SLC31A1: variants seen among roughly 807,000 people sequenced by gnomAD.
SLC31A1 encodes solute carrier family 31 member 1.
A neutral mutation model predicts 17.2 loss-of-function variants in SLC31A1; 5 were observed. The ratio of observed to expected loss-of-function variants is 0.29; its 90% CI spans 0.15 to 0.61. The LOEUF (loss-of-function observed/expected upper bound fraction) is 0.61. Among genes scored for constraint, SLC31A1 ranks in the 20% least tolerant of loss-of-function variants. SLC31A1 has a pLI of 0.86. For synonymous variants in SLC31A1, 76 were observed against 78.8 expected (o/e 0.96, Z 0.19); for missense variants, 161 against 241.4 (o/e 0.67, Z 2.21).
chr9:113,233,830 ATAAT>A (rs1409244123), intron 1 of SLC31A1, among the ~76,000 whole-genome samples: 12 of 152,236 alleles, frequency 7.9e-5, no homozygotes, highest in African/African-American at 2.7e-4. Context: ...TATGGGCACA[ATAAT>A]TAATAATTGC....
chr9:113,248,892 C>G (rs1831615344), intron 1 of SLC31A1, among the ~76,000 whole-genome samples: 1 of 152,120 alleles, frequency 6.6e-6, no homozygotes, highest in Admixed American at 6.6e-5. Flanking sequence ...TTGATTAATG[C>G]CTTCTCCCAC....
intron 1 of SLC31A1, among the ~76,000 whole-genome samples, chr9:113,240,660 A>G (rs1367409324): frequency 1.3e-5 from 2 of 152,218 alleles, no homozygotes; most frequent in Admixed American, 6.5e-5. Context: ...AAATAATGGC[A>G]GGATTTGTAC....
At position 113,261,224 on chromosome 9, in the gene SLC31A1, T is replaced by G. The variant is rs1273269782; in HGVS notation, c.*751T>G. Reference sequence around the variant, plus strand: ...TTGCAGTGAGCCAAGATGGCGCCATTGCACTCCAGCCTGGGTGACAAGAGT... The same window carrying G: ...TTGCAGTGAGCCAAGATGGCGCCATGGCACTCCAGCCTGGGTGACAAGAGT... On this transcript the variant is annotated 3_prime_UTR_variant, in exon 5 of 5. Coordinates refer to ENST00000374212, the MANE Select transcript of SLC31A1 (RefSeq NM_001859.4). 3 of 152,772 alleles carry G rather than the reference T, an allele frequency of 2.0e-5. No homozygotes were observed. The highest frequency in any genetic ancestry group is 4.4e-5 in the Non-Finnish European group (3 of 68,502). The allele number at this position is 152,772 out of a possible 1,614,324, so 9.5% of individuals were successfully genotyped here.
intron 1 of SLC31A1, among the ~76,000 whole-genome samples, chr9:113,241,343 T>C (rs760435979): frequency 3.3e-5 from 5 of 152,190 alleles, no homozygotes; most frequent in African/African-American, 9.6e-5. Flanking sequence ...CTGGTTTAGC[T>C]TGGAGTACCG....
rs748444118 is a variant in SLC31A1, at chr9:113,260,969, T to C, written c.*496T>C. ...AGAACTCAAACTTAACATTAGAAAA[T>C]AAGGTCCAGGGCCGGACACAGTGGC... On this transcript the variant is annotated 3_prime_UTR_variant, in exon 5 of 5. Transcript: ENST00000374212. 5.2e-5 allele frequency: 14 copies of C among 271,538 alleles called. No individual in the cohort carries two copies. The highest frequency in any genetic ancestry group is 4.8e-4 in the South Asian group (12 of 24,870). The allele number at this position is 271,538 out of a possible 1,614,324, so 16.8% of individuals were successfully genotyped here.
rs561070841 is a variant in SLC31A1, at chr9:113,262,707, G to A, written c.*2234G>A. 2 of 152,680 alleles carry A rather than the reference G, an allele frequency of 1.3e-5. No individual in the cohort carries two copies. Among genetic ancestry groups the A allele is most frequent in the East Asian group, 1.9e-4 (1 of 5,180 alleles). The allele number at this position is 152,680 out of a possible 1,614,324, so 9.5% of individuals were successfully genotyped here. A position where few individuals can be genotyped will look rare whatever the true frequency, so the allele number is the denominator to read the frequency against. ...AGCAGGGTGAATGACAGGTACTGAC[G>A]AAGTCCAACACAAAGGTATAATACA... is the stretch of plus-strand genomic sequence containing the variant. On this transcript the variant is annotated 3_prime_UTR_variant, in exon 5 of 5. Transcript: ENST00000374212.
intron 1 of SLC31A1, among the ~76,000 whole-genome samples, chr9:113,229,348 G>A (rs1831377580): frequency 6.6e-6 from 1 of 152,092 alleles, no homozygotes; most frequent in African/African-American, 2.4e-5. Context: ...TAGTATAGGT[G>A]TATAAAAATA....
intron 1 of SLC31A1, among the ~76,000 whole-genome samples, chr9:113,248,651 A>C (rs1831612035): frequency 6.6e-6 from 1 of 151,222 alleles, no homozygotes; most frequent in African/African-American, 2.4e-5. Context: ...GTAATTTTGT[A>C]ATTTTTTAGT....
At chr9:113,243,146 T>G (rs938696033) in intron 1 of SLC31A1, among the ~76,000 whole-genome samples, 41 of 152,070 alleles carry the variant, frequency 2.7e-4, no homozygotes, top group African/African-American at 9.7e-4. Flanking sequence ...ATTCTTACAG[T>G]TAAGGAAAAT....
chr9:113,223,701 A>G (rs533312244), intron 1 of SLC31A1, among the ~76,000 whole-genome samples: 1 of 152,334 alleles, frequency 6.6e-6, no homozygotes, highest in South Asian at 2.1e-4. Flanking sequence ...CCCTCAGGGA[A>G]GCAGCAATTT....
intron 1 of SLC31A1, among the ~76,000 whole-genome samples, chr9:113,251,610 G>C (rs756487966): frequency 3.3e-5 from 5 of 152,144 alleles, no homozygotes; most frequent in Non-Finnish European, 5.9e-5. Context: ...TTCTATTCTA[G>C]AGAGAATGGG....
intron 1 of SLC31A1, among the ~76,000 whole-genome samples, chr9:113,249,193 C>A (rs1189061566): frequency 4.6e-5 from 7 of 151,530 alleles, no homozygotes; most frequent in Non-Finnish European, 8.8e-5. Context: ...AGTCCTGTCA[C>A]TCCGTTATTC....
chr9:113,242,766 T>C (rs951721812), intron 1 of SLC31A1, among the ~76,000 whole-genome samples: 2 of 152,210 alleles, frequency 1.3e-5, no homozygotes, highest in African/African-American at 4.8e-5. Flanking sequence ...CCCGATGTCA[T>C]TTTATGTGAC....
intron 1 of SLC31A1, among the ~76,000 whole-genome samples, chr9:113,225,931 C>T (rs1474523058): frequency 1.3e-5 from 2 of 152,120 alleles, no homozygotes; most frequent in Admixed American, 6.5e-5. Context: ...GTCAGGAGTT[C>T]GAGACCAGCC....
chr9:113,240,317 T>C (rs1328043799), intron 1 of SLC31A1, among the ~76,000 whole-genome samples: 1 of 152,242 alleles, frequency 6.6e-6, no homozygotes, highest in Non-Finnish European at 1.5e-5. Context: ...TATTGAAACC[T>C]ACATGGATTT....
At position 113,258,846 on chromosome 9, in the gene SLC31A1, A is replaced by C; in HGVS notation, c.355A>C (p.Thr119Pro). Residue 119 changes from threonine to proline, a missense_variant, in exon 4 of 5, where the codon ACA becomes CCA. Transcript: ENST00000374212. This position sits in a 1 kb window ranked among gnomAD's most constrained non-coding sequence, Gnocchi z 4.8. ...ACCAAATGGAACCATCCTTATGGAGACACACAAAACTGTTGGGTAAGAACT... is the reference window on the plus strand; with the variant it reads ...ACCAAATGGAACCATCCTTATGGAGCCACACAAAACTGTTGGGTAAGAACT... ...PGPNGTILME[T>P]HKTVGQQMLS... 2 of 1,614,236 alleles carry C rather than the reference A, an allele frequency of 1.2e-6. No homozygotes were observed. The highest frequency in any genetic ancestry group is 1.7e-6 in the Non-Finnish European group (2 of 1,180,032).
At chr9:113,232,602 C>A (rs555668580) in intron 1 of SLC31A1, among the ~76,000 whole-genome samples, 1 of 149,954 alleles carries the variant, frequency 6.7e-6, no homozygotes, top group Non-Finnish European at 1.5e-5. Context: ...GAGGCTAAGG[C>A]GTGTGGATCA....
intron 1 of SLC31A1, among the ~76,000 whole-genome samples, chr9:113,245,560 G>A (rs1831566958): frequency 6.6e-6 from 1 of 152,036 alleles, no homozygotes; most frequent in Admixed American, 6.6e-5. Flanking sequence ...TTATCAAATT[G>A]TATTTCCCCT....
chr9:113,262,436 A>G lies in SLC31A1; in HGVS notation c.*1963A>G, dbSNP rs983796161. On this transcript the variant is annotated 3_prime_UTR_variant, in exon 5 of 5. Transcript: ENST00000374212. ...TCCTGCCCTCCTTGGTGCTAGATCCAGTTGTGCCTCAGGGCAGAGGAAACA... is the reference window on the plus strand; with the variant it reads ...TCCTGCCCTCCTTGGTGCTAGATCCGGTTGTGCCTCAGGGCAGAGGAAACA... 5 of 152,518 alleles carry G rather than the reference A, an allele frequency of 3.3e-5. No individual in the cohort carries two copies. Among genetic ancestry groups the G allele is most frequent in the African/African-American group, 9.7e-5 (4 of 41,386 alleles). The allele number at this position is 152,518 out of a possible 1,614,324, so 9.4% of individuals were successfully genotyped here. A position where few individuals can be genotyped will look rare whatever the true frequency, so the allele number is the denominator to read the frequency against.
Sources: gnomAD v4.1 joint callset for allele counts (sites outside exome capture counted in the v4.1 genomes callset) on GRCh38, gnomAD v4.1.1 for gene constraint, Gnocchi (gnomAD v3.1) non-coding constraint, MANE v1.5 for transcripts, NCBI Gene and HGNC (gene_info 2026-07-23, HGNC 2026-07-21) for gene names.